The following KIAA1671 variants were observed in gnomAD, a reference collection of about 807,000 sequenced individuals.
KIAA1671 encodes the protein uncharacterized protein KIAA1671.
Under a neutral mutation model 131.2 loss-of-function variants are expected in KIAA1671, and 52 were observed. That is an observed-to-expected ratio of 0.40 (90% CI 0.32 to 0.50). The LOEUF (loss-of-function observed/expected upper bound fraction) is 0.50. Among genes scored for constraint, KIAA1671 ranks in the 20% least tolerant of loss-of-function variants. The pLI, the probability that KIAA1671 is intolerant of heterozygous loss-of-function variation, is 0.73. For synonymous variants in KIAA1671, 1,003 were observed against 961.6 expected (o/e 1.04, Z -0.80); for missense variants, 2,360 against 2,364.2 (o/e 1.00, Z 0.04).
chr22:25,040,285 T>C lies in KIAA1671; in HGVS notation c.3155T>C (p.Leu1052Pro). The C allele has an allele frequency of 6.4e-7, 1 of 1,551,754 alleles. No individual in the cohort carries two copies. The highest frequency in any genetic ancestry group is 8.7e-7 in the Non-Finnish European group (1 of 1,147,026). The change falls in exon 5 of 13, where the codon CTG becomes CCG. Residue 1052 changes from leucine (L) to proline (P), a missense_variant. This residue lies in a region of KIAA1671 where 1,161 missense variants were observed against 1,204.7 expected (regional missense o/e 0.96). Transcript: ENST00000358431. ...GTTCTGTCAGGAGCTGAAAGCTTGC[T>C]GGAACATTCTAGAAAAATCACTCCA... ...GVVLSGAESL[L>P]EHSRKITPPS... is the part of the protein sequence containing the mutation.
chr22:25,068,489 T>G (rs1040183501), intron 6 of KIAA1671, among the ~76,000 whole-genome samples: 9 of 151,790 alleles, frequency 5.9e-5, no homozygotes, highest in African/African-American at 1.9e-4. Context: ...CAGGCTGGAG[T>G]GCAGTGGCAC....
chr22:25,061,078 T>G (rs2145835333), intron 6 of KIAA1671: 1 of 152,330 alleles, frequency 6.6e-6, no homozygotes, highest in East Asian at 1.9e-4. Flanking sequence ...CCCATTTATT[T>G]TCATGGATGA....
At chr22:25,169,638 C>A (rs1005340971) in intron 6 of KIAA1671, among the ~76,000 whole-genome samples, 1 of 152,154 alleles carries the variant, frequency 6.6e-6, no homozygotes, top group Non-Finnish European at 1.5e-5. Flanking sequence ...TTTTAATTTG[C>A]GAAGCAGACA....
intron 6 of KIAA1671, among the ~76,000 whole-genome samples, chr22:25,164,897 G>A (rs540422624): frequency 2.0e-5 from 3 of 150,490 alleles, no homozygotes; most frequent in South Asian, 2.1e-4. Context: ...GCAGTGAGCC[G>A]AGATTGTCCT....
intron 6 of KIAA1671, among the ~76,000 whole-genome samples, chr22:25,075,327 C>A (rs1929045080): frequency 2.6e-5 from 4 of 152,174 alleles, no homozygotes. Flanking sequence ...GCCAAAGTGT[C>A]AATTGTGACA....
At chr22:25,164,948 G>GA (rs71322730) in intron 6 of KIAA1671, among the ~76,000 whole-genome samples, 42,444 of 89,494 alleles carry the variant, frequency 0.47, 8,863 homozygotes, top group Non-Finnish European at 0.49. Flanking sequence ...ACTGTCTCGG[G>GA]AAAAAAAAAA....
chr22:25,137,328 G>A (rs1196837169), intron 6 of KIAA1671, among the ~76,000 whole-genome samples: 1 of 152,058 alleles, frequency 6.6e-6, no homozygotes, highest in Non-Finnish European at 1.5e-5. Flanking sequence ...AATAGGAATA[G>A]CAGTCACCAA....
chr22:25,028,850 C>T lies in KIAA1671; in HGVS notation c.851C>T (p.Ser284Phe). 1.3e-6 allele frequency: 2 copies of T among 1,550,864 alleles called. No individual in the cohort carries two copies. The highest frequency in any genetic ancestry group is 3.3e-4 in the Middle Eastern group (2 of 5,988). Residue 284 changes from serine to phenylalanine, a missense_variant, in exon 3 of 13, where the codon TCC becomes TTC. This residue lies in a region of KIAA1671 where 1,185 missense variants were observed against 1,126.2 expected (regional missense o/e 1.05). Coordinates refer to ENST00000358431, the MANE Select transcript of KIAA1671 (RefSeq NM_001145206.2). ...KTWVRKPRPL[S>F]MDLTARFENK... ...TGGGTGAGGAAGCCCAGGCCCTTGTCCATGGACCTCACGGCCCGGTTTGAG... is the reference window on the plus strand; with the variant it reads ...TGGGTGAGGAAGCCCAGGCCCTTGTTCATGGACCTCACGGCCCGGTTTGAG...
intron 6 of KIAA1671, chr22:25,056,969 C>T (rs1376921234): frequency 6.6e-6 from 1 of 152,254 alleles, no homozygotes; most frequent in African/African-American, 2.4e-5. Context: ...AGACGCTGTG[C>T]TAAGCACTGT....
chr22:25,145,083 G>A (rs2041092008), intron 6 of KIAA1671, among the ~76,000 whole-genome samples: 1 of 152,208 alleles, frequency 6.6e-6, no homozygotes, highest in Admixed American at 6.5e-5. Context: ...CTTTAGGGAT[G>A]GTGGATCCCT....
intron 6 of KIAA1671, among the ~76,000 whole-genome samples, chr22:25,134,373 G>GGTAT (rs1932578650): frequency 6.6e-6 from 1 of 151,946 alleles, no homozygotes; most frequent in African/African-American, 2.4e-5. Flanking sequence ...TCCTGGTATT[G>GGTAT]GTATGTGTGT....
At chr22:24,994,655 C>T (rs532087966) in intron 1 of KIAA1671, among the ~76,000 whole-genome samples, 10 of 152,186 alleles carry the variant, frequency 6.6e-5, no homozygotes, top group Admixed American at 3.3e-4. Flanking sequence ...GGTGAACCAG[C>T]GCATGAGGTC....
intron 1 of KIAA1671, among the ~76,000 whole-genome samples, chr22:24,987,180 T>C (rs9624691): frequency 3.3e-5 from 5 of 150,820 alleles, no homozygotes; most frequent in Non-Finnish European, 7.4e-5. Flanking sequence ...TATTTTTTTT[T>C]TTTTTTCTGA....
intron 6 of KIAA1671, chr22:25,050,599 TA>T (rs1927482115): frequency 6.6e-6 from 1 of 152,172 alleles, no homozygotes; most frequent in Non-Finnish European, 1.5e-5. Context: ...TCCACTTCTG[TA>T]AAATGGGGGT....
intron 1 of KIAA1671, among the ~76,000 whole-genome samples, chr22:25,019,936 TC>T (rs948184665): frequency 3.9e-5 from 6 of 152,176 alleles, no homozygotes; most frequent in Non-Finnish European, 7.3e-5. Flanking sequence ...TGCTTGTAAG[TC>T]CTGGGTTGTT....
intron 6 of KIAA1671, among the ~76,000 whole-genome samples, chr22:25,163,180 T>TAGCCAGGC (rs1281062005): frequency 5.3e-5 from 8 of 151,434 alleles, no homozygotes; most frequent in Non-Finnish European, 1.2e-4. Flanking sequence ...ATACAAAAAT[T>TAGCCAGGC]AGCCAGGCAT....
intron 1 of KIAA1671, among the ~76,000 whole-genome samples, chr22:24,962,136 T>G (rs1388359481): frequency 1.3e-5 from 2 of 152,274 alleles, no homozygotes; most frequent in Admixed American, 1.3e-4. Flanking sequence ...TGGCTTACAA[T>G]CCCCTGAGCA....
At chr22:25,088,097 T>C (rs1047641841) in intron 6 of KIAA1671, among the ~76,000 whole-genome samples, 7 of 142,814 alleles carry the variant, frequency 4.9e-5, no homozygotes, top group African/African-American at 1.9e-4. Context: ...TGTCTTTCTT[T>C]TCTTTCTTTC....
chr22:25,102,120 G>A (rs911245051), intron 6 of KIAA1671, among the ~76,000 whole-genome samples: 3 of 152,204 alleles, frequency 2.0e-5, no homozygotes, highest in Admixed American at 1.3e-4. Context: ...CACATTCCAG[G>A]ATTAACATCT....
Sources: allele counts gnomAD v4.1 joint callset (sites outside exome capture counted in the v4.1 genomes callset), GRCh38; gene constraint gnomAD v4.1.1; regional missense constraint gnomAD v4.1.1; transcripts MANE v1.5; gene names NCBI Gene and HGNC (gene_info 2026-07-23, HGNC 2026-07-21).